The following GDAP1 variants were observed in gnomAD, a reference collection of about 807,000 sequenced individuals.
GDAP1 encodes the protein ganglioside-induced differentiation-associated protein 1.
Under a neutral mutation model 40.1 loss-of-function variants are expected in GDAP1, and 34 were observed. That is an observed-to-expected ratio of 0.85 (90% CI 0.64 to 1.13). The LOEUF is 1.13. GDAP1 is among the 50% of genes most tolerant of loss of function. The probability of loss-of-function intolerance (pLI) is 0.00; values close to 1 mark genes in which losing one functional copy is unlikely to be tolerated. For missense variants in GDAP1, 374 were observed against 433.7 expected (o/e 0.86, Z 1.22); for synonymous variants, 170 against 157.4 (o/e 1.08, Z -0.60).
intron 2 of GDAP1, among the ~76,000 whole-genome samples, chr8:74,378,228 G>C (rs1809891170): frequency 6.6e-6 from 1 of 152,204 alleles, no homozygotes; most frequent in South Asian, 2.1e-4. Context: ...TGACCTGACT[G>C]TGGGACTCAA....
chr8:74,428,254 T>C (rs78024571), intron 2 of GDAP1, among the ~76,000 whole-genome samples: 1 of 72,596 alleles, frequency 1.4e-5, no homozygotes, highest in African/African-American at 4.4e-5. Flanking sequence ...ACAACAACAA[T>C]AACAACAACA....
intron 2 of GDAP1, among the ~76,000 whole-genome samples, chr8:74,482,604 C>T (rs1252963033): frequency 6.6e-6 from 1 of 152,124 alleles, no homozygotes; most frequent in Non-Finnish European, 1.5e-5. Flanking sequence ...AAAAGTATCA[C>T]CTGGACTGCT....
At chr8:74,457,855 C>T (rs1806355048) in intron 2 of GDAP1, among the ~76,000 whole-genome samples, 1 of 152,114 alleles carries the variant, frequency 6.6e-6, no homozygotes, top group Non-Finnish European at 1.5e-5. Flanking sequence ...AGGCAAATCT[C>T]TTAAACTGTT....
At position 74,407,111 on chromosome 8, in the gene GDAP1, A is replaced by C. The variant is rs1241871323; in HGVS notation, c.165+55790A>C. On this transcript the variant is annotated intron_variant, in intron 2 of 2. Transcript: ENST00000523640. ...AGGCTTCAATTAACAGGAAGTACAAAAGAAAACTACATGTATTCCATTAAT... is the reference window on the plus strand; with the variant it reads ...AGGCTTCAATTAACAGGAAGTACAACAGAAAACTACATGTATTCCATTAAT... Among the ~76,000 whole-genome samples, 2 of 150,064 alleles carry C rather than the reference A, an allele frequency of 1.3e-5. 1 individual carries two copies. The highest frequency in any genetic ancestry group is 5.1e-5 in the African/African-American group (2 of 39,390).
chr8:74,456,999 G>A (rs1425951804), intron 2 of GDAP1, among the ~76,000 whole-genome samples: 1 of 152,042 alleles, frequency 6.6e-6, no homozygotes, highest in Non-Finnish European at 1.5e-5. Flanking sequence ...GAGAAGGGTG[G>A]CCCATGCCAT....
intron 2 of GDAP1, among the ~76,000 whole-genome samples, chr8:74,436,677 C>A (rs896435362): frequency 6.6e-6 from 1 of 151,864 alleles, no homozygotes; most frequent in Non-Finnish European, 1.5e-5. Context: ...CTGCCTCAGC[C>A]TCCCAAAGTG....
chr8:74,371,585 G>A (rs28788001), downstream of GDAP1, among the ~76,000 whole-genome samples: 44,528 of 151,196 alleles, frequency 0.29, 6,815 homozygotes, highest in Non-Finnish European at 0.34. Flanking sequence ...GCGTGAACCC[G>A]GGAGGCGGAG....
intron 4 of GDAP1, among the ~76,000 whole-genome samples, chr8:74,362,457 A>G (rs1350780166): frequency 2.0e-5 from 3 of 151,922 alleles, no homozygotes; most frequent in African/African-American, 7.3e-5. Context: ...ACCCTCCCCA[A>G]CTTCCCACCT....
chr8:74,382,725 C>T (rs915801054), intron 2 of GDAP1, among the ~76,000 whole-genome samples: 7 of 152,042 alleles, frequency 4.6e-5, no homozygotes, highest in Non-Finnish European at 1.0e-4. Flanking sequence ...CTTTTGTTCT[C>T]ATCTATAATC....
downstream of GDAP1, among the ~76,000 whole-genome samples, chr8:74,371,535 C>A (rs1016289816): frequency 4.6e-5 from 7 of 151,810 alleles, no homozygotes; most frequent in Admixed American, 2.6e-4. Flanking sequence ...TAGCGGGCGC[C>A]TGTAGTCCCA....
chr8:74,468,992 T>C (rs1204656640), intron 2 of GDAP1, among the ~76,000 whole-genome samples: 4 of 152,184 alleles, frequency 2.6e-5, no homozygotes, highest in Non-Finnish European at 5.9e-5. Context: ...TTGAATTTTG[T>C]CTTTTTAGCA....
At chr8:74,357,215 T>C (rs1253659713) in intron 2 of GDAP1, among the ~76,000 whole-genome samples, 2 of 152,214 alleles carry the variant, frequency 1.3e-5, no homozygotes, top group African/African-American at 4.8e-5. Flanking sequence ...GTTGTACAAG[T>C]AGACCTAGGG....
intron 2 of GDAP1, among the ~76,000 whole-genome samples, chr8:74,380,287 G>A (rs974344096): frequency 4.6e-5 from 7 of 152,162 alleles, no homozygotes; most frequent in Non-Finnish European, 1.0e-4. Context: ...GAAATGATTA[G>A]TGACTAGTCT....
At chr8:74,418,815 A>G (rs1805819682) in intron 2 of GDAP1, among the ~76,000 whole-genome samples, 1 of 152,008 alleles carries the variant, frequency 6.6e-6, no homozygotes, top group East Asian at 1.9e-4. Flanking sequence ...AAACATATAA[A>G]CAACTATCAA....
intron 2 of GDAP1, among the ~76,000 whole-genome samples, chr8:74,428,633 A>T (rs867704231): frequency 2.3e-5 from 1 of 42,846 alleles, no homozygotes; most frequent in African/African-American, 9.9e-5. Flanking sequence ...CACCCGGCTA[A>T]TTTTTTTTTT....
intron 2 of GDAP1, among the ~76,000 whole-genome samples, chr8:74,455,474 G>C (rs1028615379): frequency 2.6e-5 from 4 of 151,886 alleles, no homozygotes. Context: ...GAAAGGATAT[G>C]ACCCAAAGAA....
intron 2 of GDAP1, among the ~76,000 whole-genome samples, chr8:74,444,328 T>A (rs1346114076): frequency 2.0e-5 from 3 of 152,014 alleles, no homozygotes; most frequent in African/African-American, 7.3e-5. Context: ...CTATGTGGCA[T>A]TCGGCATATT....
At chr8:74,405,881 A>G (rs1220555157) in intron 2 of GDAP1, among the ~76,000 whole-genome samples, 1 of 149,474 alleles carries the variant, frequency 6.7e-6, no homozygotes, top group Non-Finnish European at 1.5e-5. Context: ...TTAATATGAC[A>G]TCGAGACCAT....
chr8:74,476,408 A>C (rs776042606), intron 2 of GDAP1, among the ~76,000 whole-genome samples: 3 of 152,100 alleles, frequency 2.0e-5, no homozygotes, highest in African/African-American at 7.2e-5. Context: ...GTGTTTTTGC[A>C]GTGGCCAATA....
Sources: allele counts gnomAD v4.1 joint callset (sites outside exome capture counted in the v4.1 genomes callset), GRCh38; gene constraint gnomAD v4.1.1; transcripts MANE v1.5; gene names NCBI Gene and HGNC (gene_info 2026-07-23, HGNC 2026-07-21).